Variants in RAB2A observed in about 807,000 individuals in gnomAD.
The protein encoded by RAB2A is ras-related protein Rab-2A.
A neutral mutation model predicts 32.5 loss-of-function variants in RAB2A; 7 were observed. That is an observed-to-expected ratio of 0.22 (90% CI 0.12 to 0.40). The LOEUF (loss-of-function observed/expected upper bound fraction) is 0.40. Among genes scored for constraint, RAB2A ranks in the 10% least tolerant of loss-of-function variants. The pLI, the probability that RAB2A is intolerant of heterozygous loss-of-function variation, is 1.00. For synonymous variants in RAB2A, 79 were observed against 85.2 expected (o/e 0.93, Z 0.40); for missense variants, 108 against 260.7 (o/e 0.41, Z 4.03).
chr8:60,618,403 A>C (rs564178576), intron 6 of RAB2A, among the ~76,000 whole-genome samples, 177 bp from the exon 7 acceptor site: 123 of 152,232 alleles, frequency 8.1e-4, no homozygotes, highest in African/African-American at 2.8e-3. Flanking sequence ...TTATTAATAT[A>C]ATGTATTACA....
chr8:60,519,077 A>G (rs1032081448), intron 1 of RAB2A, among the ~76,000 whole-genome samples: 1 of 152,188 alleles, frequency 6.6e-6, no homozygotes, highest in Non-Finnish European at 1.5e-5. Context: ...GTCCCCACGC[A>G]ATTCAAAGGG....
intron 1 of RAB2A, among the ~76,000 whole-genome samples, chr8:60,537,463 T>G (rs929420835): frequency 6.6e-6 from 1 of 152,072 alleles, no homozygotes; most frequent in Non-Finnish European, 1.5e-5. Flanking sequence ...CCTCAGGTAA[T>G]CCACCCGCCT....
intron 6 of RAB2A, among the ~76,000 whole-genome samples, chr8:60,598,472 A>G (rs919401199): frequency 2.6e-5 from 4 of 152,214 alleles, no homozygotes; most frequent in Admixed American, 6.5e-5. Flanking sequence ...AGCCTTTATA[A>G]ATATATAAGC....
chr8:60,527,911 G>A (rs1012623401), intron 1 of RAB2A, among the ~76,000 whole-genome samples: 5 of 152,260 alleles, frequency 3.3e-5, no homozygotes, highest in Middle Eastern at 3.4e-3. Flanking sequence ...CTATGAGGAA[G>A]ACACCATTTT....
chr8:60,561,411 A>G (rs1270146452), intron 2 of RAB2A, among the ~76,000 whole-genome samples: 1 of 152,222 alleles, frequency 6.6e-6, no homozygotes, highest in Non-Finnish European at 1.5e-5. Flanking sequence ...GTGTGTCTCA[A>G]CGTGAGGGCA....
chr8:60,532,419 G>C (rs7018346), intron 1 of RAB2A, among the ~76,000 whole-genome samples: 7,315 of 152,238 alleles, frequency 0.048, 427 homozygotes, highest in African/African-American at 0.14. Flanking sequence ...CCGATGAATT[G>C]AGTCACCAGT....
At chr8:60,518,850 A>C (rs1028486955) in intron 1 of RAB2A, among the ~76,000 whole-genome samples, 1 of 152,170 alleles carries the variant, frequency 6.6e-6, no homozygotes, top group Non-Finnish European at 1.5e-5. Flanking sequence ...ATTAACTGTA[A>C]TATGAGTGGG....
At chr8:60,519,584 C>T (rs548217169) in intron 1 of RAB2A, among the ~76,000 whole-genome samples, 1 of 152,292 alleles carries the variant, frequency 6.6e-6, no homozygotes, top group Admixed American at 6.5e-5. Flanking sequence ...ATTTATGTTT[C>T]TCACTTTGTG....
At chr8:60,563,208 C>T (rs919252226) in intron 2 of RAB2A, among the ~76,000 whole-genome samples, 3 of 152,008 alleles carry the variant, frequency 2.0e-5, no homozygotes, top group South Asian at 2.1e-4. Flanking sequence ...AATAAAAGAC[C>T]GTAAAAGTTT....
intron 6 of RAB2A, among the ~76,000 whole-genome samples, chr8:60,596,248 C>T (rs1445319599): frequency 6.6e-6 from 1 of 152,178 alleles, no homozygotes; most frequent in African/African-American, 2.4e-5. Context: ...GCAAAGACTT[C>T]ATGACTAAAA....
intron 1 of RAB2A, among the ~76,000 whole-genome samples, chr8:60,532,526 T>C (rs79680848): frequency 4.6e-5 from 7 of 152,118 alleles, no homozygotes; most frequent in African/African-American, 1.7e-4. Flanking sequence ...ATTTTTTTTT[T>C]CCAAGATGAA....
intron 1 of RAB2A, among the ~76,000 whole-genome samples, chr8:60,540,234 A>G (rs1414981003): frequency 6.6e-6 from 1 of 150,892 alleles, no homozygotes; most frequent in Non-Finnish European, 1.5e-5. Flanking sequence ...TCATACGTAG[A>G]ATAGATTAGA....
intron 1 of RAB2A, among the ~76,000 whole-genome samples, chr8:60,544,081 AG>A (rs1223040266): frequency 4.3e-5 from 6 of 140,636 alleles, no homozygotes; most frequent in Non-Finnish European, 6.1e-5. Context: ...AAAAAAAAAA[AG>A]TGATAAATTG....
intron 1 of RAB2A, among the ~76,000 whole-genome samples, chr8:60,531,797 GA>G (rs1463961821): frequency 8.1e-6 from 1 of 123,844 alleles, no homozygotes; most frequent in Non-Finnish European, 1.7e-5. Context: ...CTTCTACCTT[GA>G]TTTTTTTTTT....
At chr8:60,555,851 G>T (rs1459103051) in intron 1 of RAB2A, among the ~76,000 whole-genome samples, 2 of 152,150 alleles carry the variant, frequency 1.3e-5, no homozygotes, top group African/African-American at 2.4e-5. Context: ...CCACTACTGG[G>T]TATTTATCCA....
At position 60,622,761 on chromosome 8, in the gene RAB2A, T is replaced by C. The variant is rs1804549156; in HGVS notation, c.*1992T>C. The C allele has an allele frequency of 6.6e-6, 1 of 152,164 alleles. No homozygotes were observed. Among genetic ancestry groups the C allele is most frequent in the Non-Finnish European group, 1.5e-5 (1 of 68,030 alleles). 9.4% of individuals were successfully genotyped at this position (152,164 alleles called of 1,614,324 possible). ...TAAGGAAAAATGGAACCCTCAAATATAACTCCTCCCACAACCACCCTAATG... is the reference window on the plus strand; with the variant it reads ...TAAGGAAAAATGGAACCCTCAAATACAACTCCTCCCACAACCACCCTAATG... On this transcript the variant is annotated 3_prime_UTR_variant, in exon 8 of 8. Coordinates refer to ENST00000262646, the MANE Select transcript of RAB2A (RefSeq NM_002865.3).
At chr8:60,575,662 T>C (rs1803599454) in intron 3 of RAB2A, among the ~76,000 whole-genome samples, 1 of 148,552 alleles carries the variant, frequency 6.7e-6, no homozygotes, top group Non-Finnish European at 1.5e-5. Context: ...TCTTTTTTTT[T>C]TTTTTTTTTT....
intron 3 of RAB2A, among the ~76,000 whole-genome samples, chr8:60,582,702 G>A (rs959101176): frequency 2.0e-5 from 3 of 152,072 alleles, no homozygotes; most frequent in South Asian, 2.1e-4. Context: ...TGGTAGAGAC[G>A]GGGTTTTGCC....
At chr8:60,579,649 A>G (rs1424390988) in intron 3 of RAB2A, among the ~76,000 whole-genome samples, 2 of 150,056 alleles carry the variant, frequency 1.3e-5, no homozygotes, top group South Asian at 4.2e-4. Context: ...TTTTTTTGAG[A>G]TGGAGTCTCA....
Sources: gnomAD v4.1 joint callset for allele counts (sites outside exome capture counted in the v4.1 genomes callset) on GRCh38, gnomAD v4.1.1 for gene constraint, MANE v1.5 for transcripts, NCBI Gene and HGNC (gene_info 2026-07-23, HGNC 2026-07-21) for gene names.